The following CSMD3 variants were observed in gnomAD, a reference collection of about 807,000 sequenced individuals.
CSMD3 encodes the protein CUB and sushi domain-containing protein 3.
Under a neutral mutation model 435.2 loss-of-function variants are expected in CSMD3, and 177 were observed. The observed-to-expected ratio is 0.41, with a 90% CI of 0.36 to 0.46. CSMD3 has a LOEUF of 0.46. CSMD3 is among the 20% of genes least tolerant of loss of function. The pLI is 0.34. For missense variants in CSMD3, 4,265 were observed against 4,504.6 expected (o/e 0.95, Z 1.52); for synonymous variants, 1,656 against 1,520.5 (o/e 1.09, Z -2.07).
At chr8:113,183,718 T>A (rs138967274) in intron 3 of CSMD3, among the ~76,000 whole-genome samples, 1 of 152,136 alleles carries the variant, frequency 6.6e-6, no homozygotes, top group East Asian at 1.9e-4. Context: ...ATATAATGTC[T>A]TACTTGTTTA....
chr8:113,040,288 G>A (rs751807281), intron 5 of CSMD3, among the ~76,000 whole-genome samples: 1 of 152,176 alleles, frequency 6.6e-6, no homozygotes, highest in Non-Finnish European at 1.5e-5. Context: ...AATGGGCCAG[G>A]TATAATATGA....
At chr8:113,129,220 C>T (rs528418860) in intron 4 of CSMD3, among the ~76,000 whole-genome samples, 53 of 152,232 alleles carry the variant, frequency 3.5e-4, no homozygotes, top group African/African-American at 1.1e-3. Flanking sequence ...TCAGTGACTG[C>T]AGCTCAATAG....
chr8:112,975,300 T>C (rs1564167730), intron 7 of CSMD3, among the ~76,000 whole-genome samples: 1 of 152,060 alleles, frequency 6.6e-6, no homozygotes, highest in Non-Finnish European at 1.5e-5. Flanking sequence ...ATCATATGGG[T>C]CAGGCAAAGA....
At chr8:112,872,806 C>A in intron 10 of CSMD3, among the ~76,000 whole-genome samples, 1 of 151,670 alleles carries the variant, frequency 6.6e-6, no homozygotes, top group Non-Finnish European at 1.5e-5. Context: ...GAAAATAAGA[C>A]ATATTAAGAG....
At chr8:112,247,692 C>T (rs1479971430) in intron 63 of CSMD3, among the ~76,000 whole-genome samples, 1 of 152,038 alleles carries the variant, frequency 6.6e-6, no homozygotes, top group Non-Finnish European at 1.5e-5. Flanking sequence ...AGGACAATGG[C>T]TTTCAAAGTG....
chr8:112,416,337 T>A (rs1811910941), intron 32 of CSMD3, among the ~76,000 whole-genome samples: 1 of 152,162 alleles, frequency 6.6e-6, no homozygotes, highest in African/African-American at 2.4e-5. Context: ...TGCTTCTCCT[T>A]TGCTTTCTAC....
chr8:112,976,576 A>G (rs2084857002), intron 6 of CSMD3, among the ~76,000 whole-genome samples: 1 of 152,074 alleles, frequency 6.6e-6, no homozygotes, highest in African/African-American at 2.4e-5. Flanking sequence ...AGTTTCTGGG[A>G]AAAATATCAA....
chr8:112,963,483 T>C (rs1031269876), intron 7 of CSMD3, among the ~76,000 whole-genome samples: 2 of 152,004 alleles, frequency 1.3e-5, no homozygotes, highest in Non-Finnish European at 2.9e-5. Context: ...ATGACCACCA[T>C]TATACTTCAA....
rs991426824 is a variant in CSMD3, at chr8:112,780,716, G to A, written c.1972+19446C>T. On this transcript the variant is annotated intron_variant, in intron 13 of 70. Transcript: ENST00000297405. Reference sequence around the variant, plus strand: ...AGGAACTCAGTGTTGCCCTGTCAGAGTGGAAAGCAACATAGGGCAGAATTC... The same window carrying A: ...AGGAACTCAGTGTTGCCCTGTCAGAATGGAAAGCAACATAGGGCAGAATTC... Among the ~76,000 whole-genome samples, 7 of 152,204 alleles carry A rather than the reference G, an allele frequency of 4.6e-5. No homozygotes were observed. In the East Asian group the frequency reaches 1.2e-3, roughly 25 times the overall value.
At chr8:112,343,013 A>ATATATT (rs1554647613) in intron 41 of CSMD3, among the ~76,000 whole-genome samples, 4 of 92,738 alleles carry the variant, frequency 4.3e-5, no homozygotes, top group Admixed American at 1.1e-4. Flanking sequence ...ATATATATAT[A>ATATATT]TATTTATATA....
At chr8:113,013,694 G>T (rs918485746) in intron 6 of CSMD3, among the ~76,000 whole-genome samples, 4 of 152,012 alleles carry the variant, frequency 2.6e-5, no homozygotes, top group Admixed American at 2.6e-4. Context: ...GGATCCACTG[G>T]CTCCAACCAT....
At chr8:113,042,955 A>G (rs1196779412) in intron 5 of CSMD3, among the ~76,000 whole-genome samples, 1 of 152,196 alleles carries the variant, frequency 6.6e-6, no homozygotes, top group African/African-American at 2.4e-5. Context: ...ATTTACTCCT[A>G]CTTCCTAAAT....
intron 5 of CSMD3, among the ~76,000 whole-genome samples, chr8:113,081,795 G>C (rs1039389785): frequency 6.6e-6 from 1 of 152,088 alleles, no homozygotes; most frequent in Non-Finnish European, 1.5e-5. Flanking sequence ...CTGTAACCTA[G>C]CACCTCAGAC....
rs114499145 is a variant in CSMD3, at chr8:112,961,046, A to T, written c.1343-6285T>A. 8.8e-3 allele frequency among the ~76,000 whole-genome samples: 1,337 copies of T among 151,912 alleles called. 16 individuals are homozygous for T. Among genetic ancestry groups the T allele is most frequent in the African/African-American group, 0.031 (1,269 of 41,544 alleles). Reference sequence around the variant, plus strand: ...TCAATTTTTAGGTGAAAGAAAATATATAATCACAATTTTACTATTGTGCTT... The same window carrying T: ...TCAATTTTTAGGTGAAAGAAAATATTTAATCACAATTTTACTATTGTGCTT... On this transcript the variant is annotated intron_variant, in intron 7 of 70. Coordinates refer to ENST00000297405, the MANE Select transcript of CSMD3 (RefSeq NM_198123.2).
intron 1 of CSMD3, among the ~76,000 whole-genome samples, chr8:113,354,134 TAA>T (rs2094206867): frequency 6.6e-6 from 1 of 152,190 alleles, no homozygotes; most frequent in African/African-American, 2.4e-5. Context: ...AGAGGCCAGG[TAA>T]AGTCAGGACT....
At chr8:113,428,503 C>A (rs1513528) in intron 1 of CSMD3, among the ~76,000 whole-genome samples, 9 of 151,448 alleles carry the variant, frequency 5.9e-5, no homozygotes, top group African/African-American at 2.2e-4. Flanking sequence ...GTGTATTACT[C>A]GAAAATGGAG....
intron 13 of CSMD3, among the ~76,000 whole-genome samples, chr8:112,701,748 T>A (rs1200574150): frequency 1.3e-5 from 2 of 152,196 alleles, no homozygotes; most frequent in African/African-American, 2.4e-5. Flanking sequence ...TCTCCAGTCC[T>A]GTCTCCCATC....
At chr8:112,920,152 G>A (rs989422415) in intron 10 of CSMD3, among the ~76,000 whole-genome samples, 4 of 151,868 alleles carry the variant, frequency 2.6e-5, no homozygotes, top group African/African-American at 9.7e-5. Flanking sequence ...AAAGAAGGAG[G>A]CTTATTTAAT....
intron 1 of CSMD3, among the ~76,000 whole-genome samples, chr8:113,403,223 G>T (rs896341125): frequency 6.6e-6 from 1 of 151,266 alleles, no homozygotes; most frequent in African/African-American, 2.4e-5. Flanking sequence ...CAAATATGAT[G>T]AATAATTAAA....
Sources: allele counts gnomAD v4.1 joint callset (sites outside exome capture counted in the v4.1 genomes callset), GRCh38; gene constraint gnomAD v4.1.1; transcripts MANE v1.5; gene names NCBI Gene and HGNC (gene_info 2026-07-23, HGNC 2026-07-21).